Variants in WDFY4 observed in about 807,000 individuals in gnomAD.
WDFY4 encodes the protein WD repeat- and FYVE domain-containing protein 4.
A neutral mutation model predicts 351.9 loss-of-function variants in WDFY4; 169 were observed. The ratio of observed to expected loss-of-function variants is 0.48; its 90% CI spans 0.42 to 0.55. The LOEUF is 0.55. Ranked by LOEUF, WDFY4 falls within the 20% of genes least tolerant of loss-of-function variation. The pLI, the probability that WDFY4 is intolerant of heterozygous loss-of-function variation, is 0.00. For synonymous variants in WDFY4, 1,622 were observed against 1,574.6 expected, an observed-to-expected ratio of 1.03 and a Z score of -0.71; for missense variants, 3,803 against 3,935.6, an observed-to-expected ratio of 0.97 and a Z score of 0.90.
At chr10:48,939,810 G>A (rs1260175784) in intron 47 of WDFY4, among the ~76,000 whole-genome samples, 2 of 152,282 alleles carry the variant, frequency 1.3e-5, no homozygotes, top group Non-Finnish European at 1.5e-5. Context: ...AGAAATAATG[G>A]AACTTCCTTG....
intron 1 of WDFY4, among the ~76,000 whole-genome samples, chr10:48,704,188 G>A (rs2132166485): frequency 6.6e-6 from 1 of 152,306 alleles, no homozygotes; most frequent in East Asian, 1.9e-4. Flanking sequence ...CCGGGACCAT[G>A]TGGATGAGGA....
chr10:48,802,372 A>T (rs539676873), intron 24 of WDFY4, among the ~76,000 whole-genome samples: 10 of 152,292 alleles, frequency 6.6e-5, no homozygotes, highest in South Asian at 2.1e-4. Context: ...AAATAAGAAA[A>T]TAAATACATA....
chr10:48,762,584 C>A (rs1019879799), intron 13 of WDFY4, among the ~76,000 whole-genome samples: 1 of 152,202 alleles, frequency 6.6e-6, no homozygotes. Flanking sequence ...GGGGTTGAAC[C>A]TCCCAGGATG....
At chr10:48,897,411 C>T (rs1247895568) in intron 44 of WDFY4, 43 bp from the exon 45 acceptor site, 6 of 1,540,768 alleles carry the variant, frequency 3.9e-6, no homozygotes, top group Non-Finnish European at 5.3e-6. Context: ...TGTCCTCACT[C>T]TGATGTCTGA....
intron 1 of WDFY4, among the ~76,000 whole-genome samples, chr10:48,694,314 G>C (rs1207083217): frequency 6.6e-6 from 1 of 152,050 alleles, no homozygotes. Flanking sequence ...CTCCTAGTTG[G>C]ACAAAGCCAG....
At chr10:48,916,120 C>T (rs1589877869) in intron 47 of WDFY4, among the ~76,000 whole-genome samples, 1 of 152,306 alleles carries the variant, frequency 6.6e-6, no homozygotes, top group South Asian at 2.1e-4. Flanking sequence ...TGATATCAGG[C>T]AGATTGGAGA....
intron 43 of WDFY4, among the ~76,000 whole-genome samples, chr10:48,888,529 C>A (rs1236730748): frequency 6.6e-6 from 1 of 152,024 alleles, no homozygotes; most frequent in Non-Finnish European, 1.5e-5. Context: ...CTCCACCCAG[C>A]AGTCAGTGTC....
In WDFY4 at chr10:48,768,698, C is replaced by T. The variant is rs573719333; in HGVS notation, c.2554-5760C>T. Among the ~76,000 whole-genome samples the T allele has an allele frequency of 3.1e-4, 44 of 140,114 alleles. No individual in the cohort carries two copies. The South Asian group carries it at 5.5e-3, about 18-fold the overall frequency. The allele number at this position is 140,114 out of a possible 152,430, so 91.9% of individuals were successfully genotyped here. A position where few individuals can be genotyped will look rare whatever the true frequency, so the allele number is the denominator to read the frequency against. On this transcript the variant is annotated intron_variant, in intron 13 of 61. Transcript: ENST00000325239. Reference sequence around the variant, plus strand: ...GAGTCACGGGTCGAGCAGCCACCCACGGTGTTGTGGGGGTGGGAGAGGAGA... The same window carrying T: ...GAGTCACGGGTCGAGCAGCCACCCATGGTGTTGTGGGGGTGGGAGAGGAGA...
intron 39 of WDFY4, among the ~76,000 whole-genome samples, chr10:48,841,806 A>G (rs2068616770): frequency 6.6e-6 from 1 of 152,234 alleles, no homozygotes; most frequent in African/African-American, 2.4e-5. Flanking sequence ...TCTTCCTGAA[A>G]CATCACAGAG....
chr10:48,805,882 A>G (rs1589655100), intron 26 of WDFY4, 122 bp from the exon 27 acceptor site: 1 of 797,370 alleles, frequency 1.3e-6, no homozygotes, highest in East Asian at 2.7e-5. Flanking sequence ...TGCCATGATG[A>G]TTTCCCTTAA....
chr10:48,710,674 C>T (rs1418708221), intron 2 of WDFY4, among the ~76,000 whole-genome samples: 1 of 152,202 alleles, frequency 6.6e-6, no homozygotes, highest in African/African-American at 2.4e-5. Context: ...GGGATGCCAA[C>T]ACCAAGGCCT....
intron 53 of WDFY4, among the ~76,000 whole-genome samples, chr10:48,960,814 C>T (rs970904887): frequency 5.9e-5 from 9 of 152,148 alleles, no homozygotes; most frequent in Non-Finnish European, 1.2e-4. Flanking sequence ...ATGAAAGAAG[C>T]CATAACTCAG....
At chr10:48,898,310 A>G (rs932237629) in intron 45 of WDFY4, among the ~76,000 whole-genome samples, 9 of 152,062 alleles carry the variant, frequency 5.9e-5, no homozygotes, top group Admixed American at 2.0e-4. Flanking sequence ...CATCAAACAC[A>G]TGTTGCCTTC....
At chr10:48,719,783 T>G (rs770994664) in intron 2 of WDFY4, among the ~76,000 whole-genome samples, 1 of 152,162 alleles carries the variant, frequency 6.6e-6, no homozygotes, top group Non-Finnish European at 1.5e-5. Context: ...TTTGACATCT[T>G]AGGGGCTCGT....
intron 47 of WDFY4, among the ~76,000 whole-genome samples, chr10:48,939,274 G>A (rs1365112178): frequency 1.3e-5 from 2 of 152,210 alleles, no homozygotes; most frequent in African/African-American, 4.8e-5. Context: ...AACATCGCCA[G>A]GACCACGCCT....
At chr10:48,980,412 C>T (rs1234574275) in intron 60 of WDFY4, among the ~76,000 whole-genome samples, 1 of 152,138 alleles carries the variant, frequency 6.6e-6, no homozygotes, top group East Asian at 1.9e-4. Flanking sequence ...TCTTAAGGGG[C>T]AAGAAAGGAG....
intron 2 of WDFY4, among the ~76,000 whole-genome samples, chr10:48,714,120 A>G (rs2063835276): frequency 1.3e-5 from 2 of 152,222 alleles, no homozygotes; most frequent in African/African-American, 4.8e-5. Context: ...AGGCTTAGGG[A>G]TGTTGCATAA....
chr10:48,801,946 C>T (rs2067101061), intron 24 of WDFY4, among the ~76,000 whole-genome samples: 1 of 152,014 alleles, frequency 6.6e-6, no homozygotes, highest in East Asian at 1.9e-4. Context: ...CCCATGGGTA[C>T]CCAGTGTGGG....
intron 1 of WDFY4, among the ~76,000 whole-genome samples, chr10:48,686,517 G>C (rs1318895065): frequency 6.6e-6 from 1 of 151,992 alleles, no homozygotes; most frequent in Non-Finnish European, 1.5e-5. Flanking sequence ...TGGGTTTATT[G>C]TTCCCTTGCT....
Sources: allele counts gnomAD v4.1 joint callset (sites outside exome capture counted in the v4.1 genomes callset), GRCh38; gene constraint gnomAD v4.1.1; transcripts MANE v1.5; gene names NCBI Gene and HGNC (gene_info 2026-07-23, HGNC 2026-07-21).